The following CTDSPL2 variants were observed in gnomAD, a reference collection of about 807,000 sequenced individuals.
CTDSPL2 encodes CTD small phosphatase like 2.
CTDSPL2 carries 5 observed loss-of-function variants against 60.0 expected under a neutral mutation model. That is an observed-to-expected ratio of 0.08 (90% CI 0.04 to 0.18). The LOEUF is 0.18. Ranked by LOEUF, CTDSPL2 falls within the 10% of genes least tolerant of loss-of-function variation. The pLI is 1.00. For missense variants in CTDSPL2, 370 were observed against 548.8 expected, an observed-to-expected ratio of 0.67 and a Z score of 3.26; for synonymous variants, 186 against 189.3, an observed-to-expected ratio of 0.98 and a Z score of 0.14.
rs568361780 is a variant in CTDSPL2, at chr15:44,448,760, C to T, written c.-24-10231C>T. 6.5e-5 allele frequency: 23 copies of T among 355,034 alleles called. No homozygotes were observed. The East Asian group carries it at 1.8e-3, about 27-fold the overall frequency. 22.0% of individuals were successfully genotyped at this position (355,034 alleles called of 1,614,324 possible). A position where few individuals can be genotyped will look rare whatever the true frequency, so the allele number is the denominator to read the frequency against. On this transcript the variant is annotated intron_variant, in intron 1 of 12. Coordinates refer to ENST00000260327, the MANE Select transcript of CTDSPL2 (RefSeq NM_016396.3). ...ATAGTCTGCCCTCCTGGTCCTAACC[C>T]TGTTCCAATACCACCAAGGCCATAG...
intron 2 of CTDSPL2, among the ~76,000 whole-genome samples, chr15:44,469,220 G>A (rs959691205): frequency 6.6e-6 from 1 of 152,170 alleles, no homozygotes. Context: ...AAGGTGTCAC[G>A]TGAGCATAAG....
intron 1 of CTDSPL2, among the ~76,000 whole-genome samples, chr15:44,445,409 C>T (rs927364667): frequency 2.6e-5 from 4 of 151,816 alleles, no homozygotes; most frequent in African/African-American, 9.7e-5. Context: ...AGGCTGGTCT[C>T]GAACTCCTGG....
intron 4 of CTDSPL2, 78 bp downstream of exon 4, chr15:44,486,778 T>C: frequency 1.0e-6 from 1 of 1,003,264 alleles, no homozygotes; most frequent in Non-Finnish European, 1.4e-6. Flanking sequence ...TTTTTTTTTC[T>C]TGAGACGAAG....
At chr15:44,459,602 C>T (rs897213729) in intron 2 of CTDSPL2, among the ~76,000 whole-genome samples, 11 of 152,132 alleles carry the variant, frequency 7.2e-5, no homozygotes, top group African/African-American at 2.4e-4. Flanking sequence ...CCAAAAACTA[C>T]GTTTTGGTGT....
At chr15:44,441,838 G>A (rs2080094029) in intron 1 of CTDSPL2, among the ~76,000 whole-genome samples, 1 of 152,144 alleles carries the variant, frequency 6.6e-6, no homozygotes, top group Non-Finnish European at 1.5e-5. Flanking sequence ...TGAATCTCTA[G>A]GAAAAACTCC....
At chr15:44,519,337 A>G (rs1166135073) in intron 11 of CTDSPL2, 42 bp downstream of exon 11, 1 of 1,483,152 alleles carries the variant, frequency 6.7e-7, no homozygotes, top group Non-Finnish European at 9.0e-7. Flanking sequence ...TGGAAAAAAT[A>G]CAATGAAGAC....
chr15:44,491,300 C>A (rs2081209753), intron 5 of CTDSPL2, among the ~76,000 whole-genome samples: 1 of 152,032 alleles, frequency 6.6e-6, no homozygotes, highest in African/African-American at 2.4e-5. Flanking sequence ...TATGAATATC[C>A]TTATTATTAT....
chr15:44,505,908 T>C (rs2081453546), intron 8 of CTDSPL2, among the ~76,000 whole-genome samples: 1 of 152,128 alleles, frequency 6.6e-6, no homozygotes, highest in Admixed American at 6.5e-5. Context: ...AAATGGCCAT[T>C]GTTTTGACTA....
chr15:44,505,746 AAAAAG>A (rs1555439032), intron 8 of CTDSPL2, among the ~76,000 whole-genome samples: 13 of 151,830 alleles, frequency 8.6e-5, no homozygotes, highest in South Asian at 6.2e-4. Context: ...AAAAAAAAAA[AAAAAG>A]AAAAGAAAAG....
chr15:44,455,510 G>A (rs2080416067), intron 1 of CTDSPL2, among the ~76,000 whole-genome samples: 1 of 152,066 alleles, frequency 6.6e-6, no homozygotes, highest in African/African-American at 2.4e-5. Flanking sequence ...GTTTTCAAAG[G>A]GAATGCTCCC....
At chr15:44,505,430 AAAG>A (rs780127926) in intron 8 of CTDSPL2, among the ~76,000 whole-genome samples, 21 of 151,800 alleles carry the variant, frequency 1.4e-4, no homozygotes, top group East Asian at 7.7e-4. Context: ...AAAAGAAAAA[AAAG>A]AAGGAGAAAA....
intron 1 of CTDSPL2, among the ~76,000 whole-genome samples, chr15:44,431,874 C>T (rs979254053): frequency 1.3e-5 from 2 of 151,694 alleles, no homozygotes. Flanking sequence ...CCCACCACGA[C>T]GGCCGGCTAA....
chr15:44,430,985 C>G (rs939231468), intron 1 of CTDSPL2, among the ~76,000 whole-genome samples: 1 of 151,988 alleles, frequency 6.6e-6, no homozygotes, highest in East Asian at 1.9e-4. Context: ...CCACACCTGG[C>G]TAATTTTTGC....
intron 2 of CTDSPL2, among the ~76,000 whole-genome samples, chr15:44,471,110 C>T (rs1457264679): frequency 6.6e-6 from 1 of 152,144 alleles, no homozygotes; most frequent in Non-Finnish European, 1.5e-5. Flanking sequence ...ATCAGTTTAT[C>T]TTGCTTCCTT....
At chr15:44,514,935 G>A in intron 10 of CTDSPL2, 91 bp downstream of exon 10, 1 of 764,264 alleles carries the variant, frequency 1.3e-6, no homozygotes, top group Non-Finnish European at 2.2e-6. Flanking sequence ...TTTTCAGTTG[G>A]CTGCATATGT....
At chr15:44,457,605 G>T (rs772203473) in intron 1 of CTDSPL2, among the ~76,000 whole-genome samples, 2 of 151,900 alleles carry the variant, frequency 1.3e-5, no homozygotes, top group Non-Finnish European at 2.9e-5. Flanking sequence ...TGGTTGGGGG[G>T]GGTGGTGCGG....
At position 44,526,444 on chromosome 15, in the gene CTDSPL2, A is replaced by G. The variant is rs575943548; in HGVS notation, c.*2270A>G. 6.6e-6 allele frequency: 1 copy of G among 152,156 alleles called. No homozygotes were observed. Among genetic ancestry groups the G allele is most frequent in the Non-Finnish European group, 1.5e-5 (1 of 67,988 alleles). The allele number at this position is 152,156 out of a possible 1,614,324, so 9.4% of individuals were successfully genotyped here. A position where few individuals can be genotyped will look rare whatever the true frequency, so the allele number is the denominator to read the frequency against. On this transcript the variant is annotated 3_prime_UTR_variant, in exon 13 of 13. Transcript: ENST00000260327. ...AAACTAATCATCTTTTATCAATGAT[A>G]AAGTTGTTTTCAGTCCCACACTAGG...
intron 8 of CTDSPL2, among the ~76,000 whole-genome samples, chr15:44,506,411 A>AC (rs1260528454): frequency 1.7e-5 from 2 of 120,144 alleles, no homozygotes; most frequent in African/African-American, 3.5e-5. Flanking sequence ...TCCTACTTTG[A>AC]CTTTTTTTTT....
chr15:44,505,990 A>G (rs998660044), intron 8 of CTDSPL2, among the ~76,000 whole-genome samples: 32 of 148,260 alleles, frequency 2.2e-4, no homozygotes, highest in African/African-American at 5.2e-4. Context: ...ATAATGGCCA[A>G]TTTTTCCCTG....
Sources: gnomAD v4.1 joint callset for allele counts (sites outside exome capture counted in the v4.1 genomes callset) on GRCh38, gnomAD v4.1.1 for gene constraint, MANE v1.5 for transcripts, NCBI Gene and HGNC (gene_info 2026-07-23, HGNC 2026-07-21) for gene names.